Variants in QSER1 observed in about 807,000 individuals in gnomAD.
The protein encoded by QSER1 is glutamine and serine rich 1, also known as glutamine and serine-rich protein 1.
QSER1 carries 49 observed loss-of-function variants against 158.5 expected under a neutral mutation model. The ratio of observed to expected loss-of-function variants is 0.31; its 90% CI spans 0.25 to 0.39. The LOEUF is 0.39. Ranked by LOEUF, QSER1 falls within the 10% of genes least tolerant of loss-of-function variation. The probability of loss-of-function intolerance (pLI) is 1.00; values close to 1 mark genes in which losing one functional copy is unlikely to be tolerated. For missense variants in QSER1, 1,754 were observed against 2,010.3 expected, an observed-to-expected ratio of 0.87 and a Z score of 2.44; for synonymous variants, 650 against 715.5, an observed-to-expected ratio of 0.91 and a Z score of 1.46.
chr11:32,922,710 C>T (rs1215316775), intron 1 of QSER1, among the ~76,000 whole-genome samples: 2 of 151,896 alleles, frequency 1.3e-5, no homozygotes, highest in African/African-American at 4.8e-5. Flanking sequence ...GTCTTGAACT[C>T]CTGACTTCAA....
At chr11:32,897,049 C>G (rs1168457636) in intron 1 of QSER1, among the ~76,000 whole-genome samples, 1 of 152,208 alleles carries the variant, frequency 6.6e-6, no homozygotes, top group Non-Finnish European at 1.5e-5. Flanking sequence ...TCATTTACAT[C>G]ACTAGCAACT....
At chr11:32,969,217 A>C in intron 10 of QSER1, 74 bp downstream of exon 10, 1 of 908,180 alleles carries the variant, frequency 1.1e-6, no homozygotes, top group Non-Finnish European at 1.7e-6. Context: ...AAGGAAATTT[A>C]TGAAAATTAT....
At chr11:32,972,400 C>T (rs1193532722) in intron 10 of QSER1, among the ~76,000 whole-genome samples, 2 of 147,714 alleles carry the variant, frequency 1.4e-5, no homozygotes, top group African/African-American at 5.0e-5. Context: ...ATAAATAGGC[C>T]AGTGGCTTAT....
In QSER1 at chr11:32,975,280, G is replaced by A; in HGVS notation, c.5391G>A (p.Leu1797=). The change falls in exon 12 of 13, where the codon TTG becomes TTA. Residue 1797 remains leucine, a synonymous_variant. Coordinates refer to ENST00000650167, the MANE Select transcript of QSER1 (RefSeq NM_001076786.3). ...CTGTCGATCCAGAGAAAATACAGTT[G>A]TATTCTTTGTATCATTCACTCCATC... ...EFAVDPEKIQ[L]YSLYHSLHHY... 1 of 1,591,214 alleles carries A rather than the reference G, an allele frequency of 6.3e-7. No individual in the cohort carries two copies. The highest frequency in any genetic ancestry group is 8.6e-7 in the Non-Finnish European group (1 of 1,166,280).
chr11:32,937,580 G>T (rs1399074596), intron 4 of QSER1, among the ~76,000 whole-genome samples: 1 of 152,090 alleles, frequency 6.6e-6, no homozygotes, highest in South Asian at 2.1e-4. Flanking sequence ...GAGCCACTGC[G>T]CCTGGCCTAG....
Position 32,944,020 on chromosome 11 carries a change from CGTA to C in QSER1, c.4177+8587_4177+8589del, listed in dbSNP as rs553905070. Among the ~76,000 whole-genome samples, 1,269 of 151,890 alleles carry C rather than the reference CGTA, an allele frequency of 8.4e-3. 17 individuals are homozygous for C. The highest frequency in any genetic ancestry group is 0.028 in the African/African-American group (1,145 of 41,446). ...TCTTCTAGATTTTCTAGTTTATTTG[CGTA>C]GAGGTGTTTGTAGTATTCTCTGATA... On this transcript the variant is annotated intron_variant, in intron 4 of 12. Coordinates refer to ENST00000650167, the MANE Select transcript of QSER1 (RefSeq NM_001076786.3).
Position 32,957,517 on chromosome 11 carries a change from C to T in QSER1, c.4752-352C>T, listed in dbSNP as rs150507756. Among the ~76,000 whole-genome samples, 383 of 152,212 alleles carry T rather than the reference C, an allele frequency of 2.5e-3. 3 individuals are homozygous for T. The highest frequency in any genetic ancestry group is 8.1e-3 in the African/African-American group (336 of 41,520). On this transcript the variant is annotated intron_variant, in intron 7 of 12. Coordinates refer to ENST00000650167, the MANE Select transcript of QSER1 (RefSeq NM_001076786.3). ...GGGTCAGAGCTAGATATGGCAATTA[C>T]GGTTATAACATTCATTACCTTCCTA... is the stretch of plus-strand genomic sequence containing the variant.
At position 32,976,783 on chromosome 11, in the gene QSER1, T is replaced by C; in HGVS notation, c.*309T>C. ...CAAATGATGAAGCATGCACTAAGTA[T>C]AATTTTTTTTTATTGCTAGAGAAGT... On this transcript the variant is annotated 3_prime_UTR_variant, in exon 13 of 13. Transcript: ENST00000650167. 1 of 234,040 alleles carries C rather than the reference T, an allele frequency of 4.3e-6. No homozygotes were observed. The highest frequency in any genetic ancestry group is 8.2e-6 in the Non-Finnish European group (1 of 121,360). The allele number at this position is 234,040 out of a possible 1,614,324, so 14.5% of individuals were successfully genotyped here. A position where few individuals can be genotyped will look rare whatever the true frequency, so the allele number is the denominator to read the frequency against.
intron 1 of QSER1, among the ~76,000 whole-genome samples, chr11:32,913,053 A>T (rs1851787937): frequency 6.6e-6 from 1 of 152,102 alleles, no homozygotes; most frequent in Non-Finnish European, 1.5e-5. Context: ...TCTCCAATAC[A>T]ACCATGCTGA....
chr11:32,966,211 A>G, intron 8 of QSER1, 89 bp from the exon 9 acceptor site: 1 of 1,366,854 alleles, frequency 7.3e-7, no homozygotes, highest in Non-Finnish European at 1.0e-6. Flanking sequence ...TTGTATCTGC[A>G]ATCTGCTTCT....
intron 8 of QSER1, among the ~76,000 whole-genome samples, chr11:32,965,850 A>T (rs1852732572): frequency 6.6e-6 from 1 of 151,894 alleles, no homozygotes; most frequent in Admixed American, 6.6e-5. Context: ...TTGAGGCAGG[A>T]GAATTGCTTG....
intron 9 of QSER1, among the ~76,000 whole-genome samples, chr11:32,968,808 A>G (rs1852797268): frequency 6.6e-6 from 1 of 152,214 alleles, no homozygotes; most frequent in Non-Finnish European, 1.5e-5. Flanking sequence ...TTGGATCCTC[A>G]TGTAGTGCTC....
chr11:32,927,034 G>A (rs1164810370), intron 1 of QSER1, 123 bp from the exon 2 acceptor site: 6 of 152,482 alleles, frequency 3.9e-5, no homozygotes, highest in Non-Finnish European at 7.3e-5. Context: ...TTTGATCCAC[G>A]AATCTATAGG....
chr11:32,941,359 A>G (rs1852229544), intron 4 of QSER1, among the ~76,000 whole-genome samples: 1 of 145,866 alleles, frequency 6.9e-6, no homozygotes, highest in Non-Finnish European at 1.5e-5. Flanking sequence ...CATTAGGTAT[A>G]TCTCCCAATG....
At chr11:32,948,569 C>G (rs1362925064) in intron 4 of QSER1, among the ~76,000 whole-genome samples, 1 of 152,074 alleles carries the variant, frequency 6.6e-6, no homozygotes, top group Non-Finnish European at 1.5e-5. Context: ...TTTGAGGGGG[C>G]AGTGAGCTGG....
intron 8 of QSER1, among the ~76,000 whole-genome samples, chr11:32,963,406 A>C (rs987113890): frequency 6.6e-6 from 1 of 152,068 alleles, no homozygotes; most frequent in Non-Finnish European, 1.5e-5. Flanking sequence ...TCCAGGCTGG[A>C]GTGCAGTGGC....
intron 9 of QSER1, among the ~76,000 whole-genome samples, 195 bp downstream of exon 9, chr11:32,966,632 C>A (rs1403821950): frequency 6.6e-6 from 1 of 152,112 alleles, no homozygotes; most frequent in Non-Finnish European, 1.5e-5. Flanking sequence ...ACTTTTATTG[C>A]TTTCTACTCA....
In QSER1 at chr11:32,934,908, G is replaced by A; in HGVS notation, c.3650G>A (p.Ser1217Asn). Residue 1217 changes from serine to asparagine, a missense_variant, in exon 4 of 13, where the codon AGT becomes AAT. By Grantham distance (46) the Ser-to-Asn change is conservative. Around this residue, in one of 2 missense-constraint regions of QSER1, gnomAD observed 1,707 missense variants for 1,919.6 expected, o/e 0.89. Transcript: ENST00000650167. ...GKGQVKEEDN[S>N]NQKQLKRPAQ... ...GGGCAAGTTAAAGAGGAAGACAACA[G>A]TAATCAGAAACAGCTGAAAAGACCT... The A allele has an allele frequency of 6.2e-7, 1 of 1,613,772 alleles. No individual in the cohort carries two copies.
Position 32,934,835 on chromosome 11 carries a change from C to G in QSER1, c.3577C>G (p.Gln1193Glu). Residue 1193 changes from glutamine (Q) to glutamate (E), a missense_variant, in exon 4 of 13, where the codon CAA (glutamine) becomes GAA (glutamate). Transcript: ENST00000650167. Reference sequence around the variant, plus strand: ...CAGTGTCAAGATTGAAGAAGAAAACCAAGATTTAATGCATTTTAACCTTCA... The same window carrying G: ...CAGTGTCAAGATTGAAGAAGAAAACGAAGATTTAATGCATTTTAACCTTCA... The part of the protein sequence containing the change: ...AVSVKIEEEN[Q>E]DLMHFNLQKK... 1 of 1,613,948 alleles carries G rather than the reference C, an allele frequency of 6.2e-7. No individual in the cohort carries two copies.
Sources: allele counts gnomAD v4.1 joint callset (sites outside exome capture counted in the v4.1 genomes callset), GRCh38; gene constraint gnomAD v4.1.1; regional missense constraint gnomAD v4.1.1; transcripts MANE v1.5; gene names NCBI Gene and HGNC (gene_info 2026-07-23, HGNC 2026-07-21).